FRMPD4: variants seen among roughly 807,000 people sequenced by gnomAD.
FRMPD4 encodes the protein FERM and PDZ domain-containing protein 4.
Under a neutral mutation model 94.1 loss-of-function variants are expected in FRMPD4, and 22 were observed. The ratio of observed to expected loss-of-function variants is 0.23; its 90% CI spans 0.17 to 0.33. FRMPD4 has a LOEUF of 0.33. FRMPD4 is among the 10% of genes least tolerant of loss of function. The probability of loss-of-function intolerance (pLI) is 1.00; values close to 1 mark genes in which losing one functional copy is unlikely to be tolerated. For synonymous variants in FRMPD4, 631 were observed against 548.6 expected (o/e 1.15, Z -2.10); for missense variants, 1,111 against 1,339.9 (o/e 0.83, Z 2.67).
At chrX:12,110,038 GA>G (rs1373806365) in intron 3 of FRMPD4, among the ~76,000 whole-genome samples, 1 of 111,949 alleles carries the variant, frequency 8.9e-6, no homozygotes, top group African/African-American at 3.3e-5. Context: ...CCAATCAATA[GA>G]AAAAGAGGGA....
At chrX:11,913,885 C>T (rs886839254) in intron 3 of FRMPD4, among the ~76,000 whole-genome samples, 2 of 111,889 alleles carry the variant, frequency 1.8e-5, no homozygotes, top group African/African-American at 6.5e-5. Flanking sequence ...GGCTCCATGC[C>T]TGGTCAAGTT....
intron 1 of FRMPD4, among the ~76,000 whole-genome samples, chrX:12,290,408 C>G (rs2054667181): frequency 8.9e-6 from 1 of 112,343 alleles, no homozygotes; most frequent in Non-Finnish European, 1.9e-5. Flanking sequence ...ACTCACTGAG[C>G]CTCAGTTTTC....
At chrX:12,647,858 G>A (rs1477861221) in intron 4 of FRMPD4, among the ~76,000 whole-genome samples, 1 of 111,067 alleles carries the variant, frequency 9.0e-6, no homozygotes, top group Non-Finnish European at 1.9e-5. Flanking sequence ...TACTAGTTAT[G>A]CCCTCCAACA....
intron 2 of FRMPD4, among the ~76,000 whole-genome samples, chrX:12,531,720 C>T (rs1403675857): frequency 1.8e-5 from 2 of 111,045 alleles, no homozygotes; most frequent in African/African-American, 6.5e-5. Context: ...CATTTACCTC[C>T]TACCCCTGCT....
intron 1 of FRMPD4, among the ~76,000 whole-genome samples, chrX:12,281,572 G>A (rs1017236829): frequency 9.1e-6 from 1 of 110,385 alleles, no homozygotes; most frequent in African/African-American, 3.3e-5. Context: ...GCAGGGTTTT[G>A]CCACGTTACT....
In FRMPD4 at chrX:12,686,332, C is replaced by T. The variant is rs2147111448; in HGVS notation, c.681+128C>T. ...TTTCTGCAGTTTTGTTGATTGCCTC[C>T]ATATAATGTAGTCTGTGAATACTTC... On this transcript the variant is annotated intron_variant, in intron 7 of 16. Transcript: ENST00000675598. 7.5e-6 allele frequency: 3 copies of T among 401,222 alleles called. No individual in the cohort carries two copies. In the East Asian group the frequency reaches 1.2e-4, roughly 16 times the overall value. The allele number at this position is 401,222 out of a possible 1,213,427, so 33.1% of individuals were successfully genotyped here.
chrX:12,438,838 G>C (rs1486683595), intron 1 of FRMPD4, among the ~76,000 whole-genome samples: 1 of 111,446 alleles, frequency 9.0e-6, no homozygotes, highest in African/African-American at 3.3e-5. Context: ...TTTCTAAACT[G>C]AAGGTGAAGA....
chrX:12,376,406 A>C (rs1223037887), intron 1 of FRMPD4, among the ~76,000 whole-genome samples: 1 of 112,453 alleles, frequency 8.9e-6, no homozygotes, highest in Non-Finnish European at 1.9e-5. Context: ...CTCATGCTCC[A>C]CAGGCTTATA....
intron 2 of FRMPD4, among the ~76,000 whole-genome samples, chrX:12,527,127 T>A (rs1377966125): frequency 8.9e-6 from 1 of 112,232 alleles, no homozygotes; most frequent in African/African-American, 3.2e-5. Context: ...TAGTTGATCA[T>A]TTTGTCTTTG....
intron 14 of FRMPD4, among the ~76,000 whole-genome samples, chrX:12,712,892 A>G (rs1401842330): frequency 1.8e-5 from 2 of 110,322 alleles, no homozygotes; most frequent in Admixed American, 1.9e-4. Flanking sequence ...CCTGAGCAAC[A>G]AAGTGAGACA....
chrX:12,296,583 G>A (rs2054775590), intron 1 of FRMPD4, among the ~76,000 whole-genome samples: 1 of 112,126 alleles, frequency 8.9e-6, no homozygotes, highest in Non-Finnish European at 1.9e-5. Context: ...CTTCCAGCTT[G>A]CTGAGCCTTG....
intron 3 of FRMPD4, among the ~76,000 whole-genome samples, chrX:11,944,579 G>T (rs1197645783): frequency 9.0e-6 from 1 of 111,657 alleles, no homozygotes; most frequent in Non-Finnish European, 1.9e-5. Flanking sequence ...GCAAAGGGCA[G>T]GTGAGAAAAA....
intron 1 of FRMPD4, among the ~76,000 whole-genome samples, chrX:12,148,304 A>G (rs2055799093): frequency 8.9e-6 from 1 of 112,392 alleles, no homozygotes; most frequent in Non-Finnish European, 1.9e-5. Context: ...TAAGAAAGTG[A>G]AACAGCCTTA....
At chrX:11,850,726 T>C (rs1011621823) in intron 1 of FRMPD4, among the ~76,000 whole-genome samples, 2 of 112,385 alleles carry the variant, frequency 1.8e-5, no homozygotes, top group South Asian at 7.3e-4. Flanking sequence ...TATTGTATGA[T>C]TCTATACAGG....
intron 5 of FRMPD4, among the ~76,000 whole-genome samples, chrX:12,681,606 C>T (rs990817062): frequency 9.1e-6 from 1 of 110,423 alleles, no homozygotes; most frequent in Non-Finnish European, 1.9e-5. Context: ...TTCTAAGACA[C>T]TACTCACAGC....
intron 3 of FRMPD4, among the ~76,000 whole-genome samples, chrX:11,957,349 A>G (rs2054262017): frequency 9.0e-6 from 1 of 110,711 alleles, no homozygotes; most frequent in Non-Finnish European, 1.9e-5. Context: ...CTTGAGCCCA[A>G]GAGTTTGAGA....
intron 1 of FRMPD4, among the ~76,000 whole-genome samples, chrX:12,261,627 G>A (rs2054190412): frequency 9.0e-6 from 1 of 111,722 alleles, no homozygotes; most frequent in South Asian, 3.7e-4. Context: ...GGCATGATGT[G>A]CATTTATTCA....
intron 3 of FRMPD4, among the ~76,000 whole-genome samples, chrX:12,069,483 C>T (rs374978800): frequency 2.7e-5 from 3 of 111,565 alleles, no homozygotes; most frequent in African/African-American, 9.8e-5. Flanking sequence ...GCAGAGGTGC[C>T]GAGAAGTCAC....
At chrX:12,300,211 A>G (rs1569223609) in intron 1 of FRMPD4, among the ~76,000 whole-genome samples, 1 of 111,641 alleles carries the variant, frequency 9.0e-6, no homozygotes, top group Non-Finnish European at 1.9e-5. Context: ...GAAGATTTCA[A>G]TGTGGGAATA....
Sources: gnomAD v4.1 joint callset for allele counts (sites outside exome capture counted in the v4.1 genomes callset) on GRCh38, gnomAD v4.1.1 for gene constraint, MANE v1.5 for transcripts, NCBI Gene and HGNC (gene_info 2026-07-23, HGNC 2026-07-21) for gene names.